Variants in CRLF1 observed in about 807,000 individuals in gnomAD.
The protein encoded by CRLF1 is cytokine receptor-like factor 1.
In CRLF1, 36 loss-of-function variants were observed where a neutral mutation model predicts 48.9. The ratio of observed to expected loss-of-function variants is 0.74; its 90% CI spans 0.56 to 0.97. The LOEUF is 0.97. Among genes scored for constraint, CRLF1 ranks in the 50% least tolerant of loss-of-function variants. The pLI is 0.00. For missense variants in CRLF1, 534 were observed against 575.1 expected (o/e 0.93, Z 0.73); for synonymous variants, 256 against 253.4 (o/e 1.01, Z -0.10).
At chr19:18,602,960 C>T (rs1405247299) in intron 1 of CRLF1, among the ~76,000 whole-genome samples, 1 of 152,244 alleles carries the variant, frequency 6.6e-6, no homozygotes, top group Admixed American at 6.5e-5. Context: ...ATCCACCCGC[C>T]TTGGCCTCCC....
chr19:18,598,473 G>T lies in CRLF1; in HGVS notation c.656C>A (p.Ser219Tyr). 1 of 1,614,132 alleles carries T rather than the reference G, an allele frequency of 6.2e-7. No individual in the cohort carries two copies. Among genetic ancestry groups the T allele is most frequent in the South Asian group, 1.1e-5 (1 of 91,092 alleles). Residue 219 changes from serine (S) to tyrosine (Y), a missense_variant, in exon 4 of 9, where the codon TCT becomes TAT. Ser to Tyr is a moderately radical substitution (Grantham distance 144, BLOSUM62 -2). Around this residue, in one of 2 missense-constraint regions of CRLF1, gnomAD observed 528 missense variants for 555.7 expected, o/e 0.95. Transcript: ENST00000392386. Reference protein sequence around the residue: ...IWVEATNRLGSARSDVLTLDI... With the variant: ...IWVEATNRLGYARSDVLTLDI... The stretch of plus-strand genomic sequence containing the variant: ...CAGCGTGAGTACATCGGAGCGGGCA[G>T]AGCCCAGGCGGTTGGTGGCCTCCAC...
intron 3 of CRLF1, 37 bp from the exon 4 acceptor site, chr19:18,598,638 T>A (rs1283496775): frequency 6.2e-7 from 1 of 1,613,796 alleles, no homozygotes; most frequent in Non-Finnish European, 8.5e-7. Context: ...GCATGAGGGT[T>A]CCTTGTGGCC....
At chr19:18,597,952 C>A (rs986474447) in intron 4 of CRLF1, among the ~76,000 whole-genome samples, 3 of 152,188 alleles carry the variant, frequency 2.0e-5, no homozygotes, top group Admixed American at 2.0e-4. Context: ...GCTGGCCTCT[C>A]CCCCTGAGGC....
rs1976145251 is a variant in CRLF1, at chr19:18,596,964, G to C, written c.783C>G (p.Pro261=). The change falls in exon 5 of 9, where the codon CCC becomes CCG. Residue 261 remains proline, a synonymous_variant. Transcript: ENST00000392386. The part of the protein sequence containing the change: ...DQLSVRWVSP[P]ALKDFLFQAK... ...CTTGAAAGAGGAAATCCTTGAGGGCGGGTGGCGACACCCAGCGCACGCTCA... is the reference window on the plus strand; with the variant it reads ...CTTGAAAGAGGAAATCCTTGAGGGCCGGTGGCGACACCCAGCGCACGCTCA... The C allele has an allele frequency of 1.9e-6, 3 of 1,614,030 alleles. No individual in the cohort carries two copies. The highest frequency in any genetic ancestry group is 2.5e-6 in the Non-Finnish European group (3 of 1,180,008).
intron 1 of CRLF1, 50 bp from the exon 2 acceptor site, chr19:18,599,896 C>A (rs375590008): frequency 1.4e-5 from 21 of 1,462,216 alleles, no homozygotes; most frequent in Non-Finnish European, 1.7e-5. Context: ...ACCCTCCAAG[C>A]CCCCAACCAT....
chr19:18,599,202 T>G, intron 2 of CRLF1: 1 of 728,508 alleles, frequency 1.4e-6, no homozygotes, highest in Non-Finnish European at 1.7e-6. Context: ...GCCTCCTGGG[T>G]TCAAGCAATT....
Position 18,596,661 on chromosome 19 carries a change from C to T in CRLF1, c.985G>A (p.Glu329Lys). ...YGSKKAGIWS[E>K]WSHPTAASTP... Reference sequence around the variant, plus strand: ...GAGGCGGCTGTGGGGTGGCTCCACTCACTCCAGATCCCGGCTTTCTTGGAG... The same window carrying T: ...GAGGCGGCTGTGGGGTGGCTCCACTTACTCCAGATCCCGGCTTTCTTGGAG... Residue 329 changes from glutamate to lysine, a missense_variant, in exon 6 of 9, where the codon GAG (glutamate) becomes AAG (lysine). Around this residue, in one of 2 missense-constraint regions of CRLF1, gnomAD observed 528 missense variants for 555.7 expected, o/e 0.95. Transcript: ENST00000392386. 6.2e-7 allele frequency: 1 copy of T among 1,613,978 alleles called. No homozygotes were observed. The highest frequency in any genetic ancestry group is 8.5e-7 in the Non-Finnish European group (1 of 1,180,000).
chr19:18,594,831 C>A (rs1197264015), intron 6 of CRLF1, among the ~76,000 whole-genome samples: 1 of 151,994 alleles, frequency 6.6e-6, no homozygotes, highest in Non-Finnish European at 1.5e-5. Context: ...GATGAGAGAG[C>A]CGGGGCCAGG....
At chr19:18,604,280 C>T (rs1023651349) in intron 1 of CRLF1, among the ~76,000 whole-genome samples, 3 of 152,118 alleles carry the variant, frequency 2.0e-5, no homozygotes, top group African/African-American at 7.2e-5. Context: ...CACCGGGCGG[C>T]GACGGGTTGT....
intron 1 of CRLF1, among the ~76,000 whole-genome samples, chr19:18,604,058 A>G (rs1024120055): frequency 6.6e-6 from 1 of 152,118 alleles, no homozygotes; most frequent in Non-Finnish European, 1.5e-5. Context: ...AGGCACGGCC[A>G]GGCCTGCCCA....
At chr19:18,594,036 T>TTC in intron 8 of CRLF1, 29 bp downstream of exon 8, 1 of 402,570 alleles carries the variant, frequency 2.5e-6, no homozygotes, top group South Asian at 2.0e-5. Context: ...CCTTGCTCCC[T>TTC]CCCGCCCACC....
chr19:18,603,697 C>T (rs1316272422), intron 1 of CRLF1, among the ~76,000 whole-genome samples: 2 of 152,132 alleles, frequency 1.3e-5, no homozygotes, highest in Non-Finnish European at 2.9e-5. Context: ...CCCAGATGGG[C>T]GAGGTGGGGT....
chr19:18,604,061 C>A (rs962788079), intron 1 of CRLF1, among the ~76,000 whole-genome samples: 3 of 152,234 alleles, frequency 2.0e-5, no homozygotes, highest in Admixed American at 6.5e-5. Flanking sequence ...CACGGCCAGG[C>A]CTGCCCAGAC....
intron 4 of CRLF1, among the ~76,000 whole-genome samples, chr19:18,597,421 C>T (rs1976154241): frequency 8.7e-6 from 1 of 115,298 alleles, no homozygotes. Context: ...ACTCACACCT[C>T]CCTTCCACTC....
At chr19:18,598,115 C>T (rs1976166566) in intron 4 of CRLF1, among the ~76,000 whole-genome samples, 1 of 152,134 alleles carries the variant, frequency 6.6e-6, no homozygotes, top group African/African-American at 2.4e-5. Flanking sequence ...TGGGGCGCCT[C>T]CCGACCTGGG....
chr19:18,597,271 G>A (rs375579005), intron 4 of CRLF1, among the ~76,000 whole-genome samples: 21 of 152,128 alleles, frequency 1.4e-4, no homozygotes, highest in East Asian at 1.4e-3. Context: ...TATCTGTGAC[G>A]GGAGAAACAT....
chr19:18,596,238 T>C (rs8107912), intron 6 of CRLF1, among the ~76,000 whole-genome samples: 52,521 of 151,932 alleles, frequency 0.35, 9,593 homozygotes, highest in African/African-American at 0.38. Context: ...TCTACTCTCT[T>C]GGAGACAATC....
chr19:18,604,591 T>A (rs10415925), intron 1 of CRLF1, among the ~76,000 whole-genome samples: 17,197 of 152,022 alleles, frequency 0.11, 2,450 homozygotes, highest in African/African-American at 0.34. Context: ...AGCTCTGGGG[T>A]CCCGGCTGAC....
chr19:18,593,541 G>C lies in CRLF1; in HGVS notation c.*25C>G, dbSNP rs1267906798. The C allele has an allele frequency of 6.2e-7, 1 of 1,610,568 alleles. No homozygotes were observed. Among genetic ancestry groups the C allele is most frequent in the Non-Finnish European group, 8.5e-7 (1 of 1,178,944 alleles). ...CGGCCTCTGCGTCTCCACGTGGCAG[G>C]GAGGGTGGCCTGAGCCCCTACAGCT... On this transcript the variant is annotated 3_prime_UTR_variant, in exon 9 of 9. Coordinates refer to ENST00000392386, the MANE Select transcript of CRLF1 (RefSeq NM_004750.5).
Sources: gnomAD v4.1 joint callset for allele counts (sites outside exome capture counted in the v4.1 genomes callset) on GRCh38, gnomAD v4.1.1 for gene constraint, gnomAD v4.1.1 regional missense constraint, MANE v1.5 for transcripts, NCBI Gene and HGNC (gene_info 2026-07-23, HGNC 2026-07-21) for gene names.